TMEM131: variants seen among roughly 807,000 people sequenced by gnomAD.
TMEM131 encodes 2610524E03Rik.
A neutral mutation model predicts 211.6 loss-of-function variants in TMEM131; 66 were observed. The observed-to-expected ratio is 0.31, with a 90% CI of 0.26 to 0.38. The LOEUF is 0.38. TMEM131 is among the 10% of genes least tolerant of loss of function. The pLI is 1.00. For missense variants in TMEM131, 2,036 were observed against 2,299.3 expected (o/e 0.89, Z 2.34); for synonymous variants, 844 against 841.3 (o/e 1.00, Z -0.06).
At chr2:97,932,795 T>C (rs1677284420) in intron 1 of TMEM131, among the ~76,000 whole-genome samples, 2 of 149,880 alleles carry the variant, frequency 1.3e-5, no homozygotes, top group South Asian at 2.1e-4. Context: ...ACTGGAACTA[T>C]AGCCCAAAAC....
intron 31 of TMEM131, among the ~76,000 whole-genome samples, chr2:97,786,698 TG>T (rs1369263079): frequency 2.6e-5 from 4 of 152,200 alleles, no homozygotes; most frequent in Non-Finnish European, 2.9e-5. Flanking sequence ...ATGCTGTGCA[TG>T]TGGGGGTGAC....
chr2:97,776,430 C>A (rs1679734219), intron 31 of TMEM131, among the ~76,000 whole-genome samples: 1 of 151,968 alleles, frequency 6.6e-6, no homozygotes, highest in African/African-American at 2.4e-5. Flanking sequence ...CTGGACTCTT[C>A]TGATTAAAAA....
chr2:97,796,360 T>G lies in TMEM131; in HGVS notation c.3058A>C (p.Lys1020Gln). Residue 1020 changes from lysine (K) to glutamine (Q), a missense_variant, in exon 28 of 41, where the codon AAG (lysine) becomes CAG (glutamine). Physicochemically the swap from Lys to Gln is moderately conservative, Grantham distance 53 (BLOSUM62 1). This residue lies in a region of TMEM131 where 1,623 missense variants were observed against 1,805.9 expected (regional missense o/e 0.90). Transcript: ENST00000186436. Reference sequence around the variant, plus strand: ...TGAAGTTGTCCTGTATTCTCTACCTTAAATGTTCTTTTCAATGTGAAATTT... The same window carrying G: ...TGAAGTTGTCCTGTATTCTCTACCTGAAATGTTCTTTTCAATGTGAAATTT... ...EPNFTLKRTF[K>Q]VENTGQLQIH... is the part of the protein sequence containing the mutation. 3 of 1,540,856 alleles carry G rather than the reference T, an allele frequency of 1.9e-6. No homozygotes were observed. The highest frequency in any genetic ancestry group is 2.6e-6 in the Non-Finnish European group (3 of 1,145,296).
At chr2:97,931,064 T>C (rs537453691) in intron 1 of TMEM131, among the ~76,000 whole-genome samples, 1 of 152,058 alleles carries the variant, frequency 6.6e-6, no homozygotes, top group East Asian at 1.9e-4. Flanking sequence ...TCCCTATTTA[T>C]TTTCAAAATA....
Position 97,814,044 on chromosome 2 carries a change from T to C in TMEM131, c.1544A>G (p.Asp515Gly). The stretch of plus-strand genomic sequence containing the variant: ...ATTGGTAATAAGTAAAATGTTGTTA[T>C]CAATGTGCATGGATGATGTGGAAGG... ...FMPSTSSMHI[D>G]NNILLITNAS... Residue 515 changes from aspartate (D) to glycine (G), a missense_variant, in exon 15 of 41, where the codon GAT (aspartate) becomes GGT (glycine). Physicochemically the swap from Asp to Gly is moderately conservative, Grantham distance 94. Around this residue, in one of 3 missense-constraint regions of TMEM131, gnomAD observed 1,623 missense variants for 1,805.9 expected, o/e 0.90. Transcript: ENST00000186436. The C allele has an allele frequency of 1.9e-6, 3 of 1,601,608 alleles. No individual in the cohort carries two copies. The highest frequency in any genetic ancestry group is 2.2e-5 in the East Asian group (1 of 44,624).
chr2:97,821,315 T>C (rs977583887), intron 11 of TMEM131, among the ~76,000 whole-genome samples: 2 of 152,150 alleles, frequency 1.3e-5, no homozygotes, highest in Non-Finnish European at 2.9e-5. Context: ...GGACTGTAAA[T>C]GCATCAATCG....
intron 26 of TMEM131, 76 bp downstream of exon 26, chr2:97,797,289 C>A: frequency 2.2e-6 from 3 of 1,348,250 alleles, no homozygotes; most frequent in Non-Finnish European, 3.0e-6. Flanking sequence ...GTTAGACATG[C>A]AAATTCATCT....
intron 1 of TMEM131, among the ~76,000 whole-genome samples, chr2:97,994,609 T>A (rs1412568795): frequency 3.3e-5 from 5 of 152,124 alleles, no homozygotes; most frequent in Admixed American, 6.5e-5. Flanking sequence ...GTTTTTTTTT[T>A]AAACTATTCA....
At chr2:97,818,791 C>T (rs1185934980) in intron 11 of TMEM131, 70 bp from the exon 12 acceptor site, 2 of 1,028,104 alleles carry the variant, frequency 1.9e-6, no homozygotes, top group African/African-American at 1.6e-5. Context: ...TATACTTATA[C>T]TGGAAAGTAT....
chr2:97,788,836 T>C (rs1202942988), intron 31 of TMEM131, among the ~76,000 whole-genome samples: 3 of 152,246 alleles, frequency 2.0e-5, no homozygotes, highest in African/African-American at 7.2e-5. Context: ...ATAGGCTTTC[T>C]GACCTTGGCC....
At chr2:97,838,784 C>T (rs1397841024) in intron 7 of TMEM131, among the ~76,000 whole-genome samples, 2 of 151,886 alleles carry the variant, frequency 1.3e-5, no homozygotes, top group Admixed American at 1.3e-4. Flanking sequence ...TTGGCAGGGG[C>T]CGGGGAGTTG....
At chr2:97,836,940 A>T (rs1682967882) in intron 8 of TMEM131, 137 bp downstream of exon 8, 2 of 713,084 alleles carry the variant, frequency 2.8e-6, no homozygotes, top group East Asian at 5.9e-5. Flanking sequence ...TATACTTGAC[A>T]TAAATTAACA....
rs759401788 is a variant in TMEM131, at chr2:97,757,095, T to A, written c.*4A>T. On this transcript the variant is annotated 3_prime_UTR_variant, in exon 41 of 41. Transcript: ENST00000186436. Reference sequence around the variant, plus strand: ...CCACTATGTTTGTTTGTTTTTTGCTTAATTTAATTCTCGTGAGGAAAGTGC... The same window carrying A: ...CCACTATGTTTGTTTGTTTTTTGCTAAATTTAATTCTCGTGAGGAAAGTGC... 2 of 1,577,382 alleles carry A rather than the reference T, an allele frequency of 1.3e-6. No individual in the cohort carries two copies. The highest frequency in any genetic ancestry group is 2.3e-5 in the South Asian group (2 of 87,038).
intron 3 of TMEM131, among the ~76,000 whole-genome samples, chr2:97,901,270 T>C (rs1227438088): frequency 1.3e-5 from 2 of 152,208 alleles, no homozygotes; most frequent in African/African-American, 2.4e-5. Flanking sequence ...TTTGAGATCT[T>C]AGCCCTAAAA....
At chr2:97,975,129 T>C (rs1435386145) in intron 1 of TMEM131, among the ~76,000 whole-genome samples, 3 of 152,124 alleles carry the variant, frequency 2.0e-5, no homozygotes, top group Non-Finnish European at 4.4e-5. Context: ...AATTAAATTA[T>C]GTATCAATAA....
chr2:97,948,975 T>TG (rs1253172420), intron 1 of TMEM131, among the ~76,000 whole-genome samples: 4 of 152,196 alleles, frequency 2.6e-5, no homozygotes, highest in Middle Eastern at 3.4e-3. Flanking sequence ...CTGAAAAAGT[T>TG]GAACACATAA....
At chr2:97,867,682 A>G (rs933321766) in intron 4 of TMEM131, among the ~76,000 whole-genome samples, 2 of 152,156 alleles carry the variant, frequency 1.3e-5, no homozygotes, top group African/African-American at 4.8e-5. Context: ...GGGTGGGTGA[A>G]GAGAGACCCA....
intron 31 of TMEM131, among the ~76,000 whole-genome samples, chr2:97,779,418 G>A (rs1415115846): frequency 2.0e-5 from 3 of 152,204 alleles, no homozygotes; most frequent in Admixed American, 1.3e-4. Flanking sequence ...TTGCCCCTGG[G>A]TGGGCTGAAG....
chr2:97,989,106 T>C (rs1036961355), intron 1 of TMEM131, among the ~76,000 whole-genome samples: 2 of 152,220 alleles, frequency 1.3e-5, no homozygotes, highest in African/African-American at 4.8e-5. Context: ...TGTTGTCTTT[T>C]TTATATTTTT....
Sources: allele counts gnomAD v4.1 joint callset (sites outside exome capture counted in the v4.1 genomes callset), GRCh38; gene constraint gnomAD v4.1.1; regional missense constraint gnomAD v4.1.1; transcripts MANE v1.5; gene names NCBI Gene and HGNC (gene_info 2026-07-23, HGNC 2026-07-21).